SLIRP: variants seen among roughly 807,000 people sequenced by gnomAD.
The protein encoded by SLIRP is SRA stem-loop-interacting RNA-binding protein, mitochondrial.
A neutral mutation model predicts 13.4 loss-of-function variants in SLIRP; 12 were observed. The observed-to-expected ratio is 0.89, with a 90% confidence interval of 0.57 to 1.45. The LOEUF (loss-of-function observed/expected upper bound fraction) is 1.45. Ranked by LOEUF, SLIRP falls within the 40% of genes most tolerant of loss-of-function variation. SLIRP has a pLI of 0.00. For synonymous variants in SLIRP, 55 were observed against 47.1 expected (o/e 1.17, Z -0.69); for missense variants, 154 against 132.2 (o/e 1.17, Z -0.81).
In SLIRP at chr14:77,712,602, G is replaced by A. The variant is rs567082446; in HGVS notation, c.156+1706G>A. Among the ~76,000 whole-genome samples, 7 of 152,082 alleles carry A rather than the reference G, an allele frequency of 4.6e-5. No individual in the cohort carries two copies. The South Asian group carries it at 1.5e-3, about 32-fold the overall frequency. ...TGGGACTACAGGCGCCCGCCACTAC[G>A]CCCGGCTAATTTTTTGTATTTTTAG... On this transcript the variant is annotated intron_variant, in intron 2 of 3. Coordinates refer to ENST00000557342, the MANE Select transcript of SLIRP (RefSeq NM_031210.6).
intron 1 of SLIRP, 189 bp from the exon 2 acceptor site, chr14:77,710,649 T>C (rs1465980409): frequency 6.5e-7 from 1 of 1,529,548 alleles, no homozygotes; most frequent in African/African-American, 1.4e-5. Flanking sequence ...TCTCTGTCCA[T>C]CTCACCACCA....
At position 77,715,827 on chromosome 14, in the gene SLIRP, A is replaced by G. The variant is rs771572490; in HGVS notation, c.212A>G (p.Glu71Gly). 2.3e-4 allele frequency: 377 copies of G among 1,614,018 alleles called. 1 individual carries two copies. The highest frequency in any genetic ancestry group is 3.1e-4 in the Non-Finnish European group (364 of 1,180,032). The change falls in exon 3 of 4, where the codon GAA (glutamate) becomes GGA (glycine). Residue 71 changes from glutamate to glycine, a missense_variant. Coordinates refer to ENST00000557342, the MANE Select transcript of SLIRP (RefSeq NM_031210.6). ...GLGWVQFSSE[E>G]GLRNALQQEN... ...GGTTGGGTTCAGTTTTCTTCAGAAG[A>G]AGGACTTCGGAATGCACTACAACAG...
chr14:77,714,537 G>A (rs565541114), intron 2 of SLIRP, among the ~76,000 whole-genome samples: 4 of 152,304 alleles, frequency 2.6e-5, no homozygotes, highest in Admixed American at 6.5e-5. Context: ...CTGACCTCAA[G>A]CCATCCATCC....
At position 77,710,756 on chromosome 14, in the gene SLIRP, C is replaced by T. The variant is rs1422753181; in HGVS notation, c.98-82C>T. ...AAAGTAGTTCCTGTCCACAAGAAAT[C>T]TGGTGACCCTGTCTTTCTACAGTCT... On this transcript the variant is annotated intron_variant, in intron 1 of 3. Coordinates refer to ENST00000557342, the MANE Select transcript of SLIRP (RefSeq NM_031210.6). 24 of 1,589,692 alleles carry T rather than the reference C, an allele frequency of 1.5e-5. No individual in the cohort carries two copies. The Admixed American group carries it at 3.9e-4, about 26-fold the overall frequency.
chr14:77,709,459 G>A (rs2080423347), intron 1 of SLIRP, among the ~76,000 whole-genome samples: 1 of 152,194 alleles, frequency 6.6e-6, no homozygotes. Context: ...GAAACTTTAT[G>A]GAAAGGCTGA....
chr14:77,709,840 G>A (rs1312552747), intron 1 of SLIRP, among the ~76,000 whole-genome samples: 1 of 152,246 alleles, frequency 6.6e-6, no homozygotes, highest in East Asian at 1.9e-4. Flanking sequence ...AACCATTAGA[G>A]CCCTTCAAAA....
chr14:77,708,284 A>G, intron 1 of SLIRP, 76 bp downstream of exon 1: 2 of 1,456,508 alleles, frequency 1.4e-6, no homozygotes, highest in Non-Finnish European at 1.9e-6. Context: ...TTTGCAGGGT[A>G]CTTAAGTCAG....
intron 2 of SLIRP, 135 bp from the exon 3 acceptor site, chr14:77,715,637 C>T: frequency 1.4e-6 from 1 of 723,586 alleles, no homozygotes; most frequent in Non-Finnish European, 2.3e-6. Context: ...AGAGCAAGAC[C>T]CTGCCTAAAA....
chr14:77,715,654 TA>T, intron 2 of SLIRP, 117 bp from the exon 3 acceptor site: 2 of 826,712 alleles, frequency 2.4e-6, no homozygotes, highest in Non-Finnish European at 3.8e-6. Flanking sequence ...AAAAATAAAA[TA>T]AAATTAAATT....
intron 2 of SLIRP, chr14:77,712,168 A>G (rs529620749): frequency 4.6e-5 from 7 of 152,278 alleles, no homozygotes; most frequent in African/African-American, 1.4e-4. Context: ...AGGATCTCAC[A>G]TAGCTATATA....
intron 2 of SLIRP, among the ~76,000 whole-genome samples, chr14:77,711,269 A>G (rs1394694222): frequency 6.7e-6 from 1 of 149,074 alleles, no homozygotes; most frequent in Non-Finnish European, 1.5e-5. Context: ...ATATATACCC[A>G]AATAAATATA....
intron 3 of SLIRP, 89 bp downstream of exon 3, chr14:77,715,968 A>G: frequency 9.8e-7 from 1 of 1,022,492 alleles, no homozygotes; most frequent in Non-Finnish European, 1.5e-6. Flanking sequence ...TAAATGTGGA[A>G]TGATGGGGAC....
rs1012307316 is a variant in SLIRP at position 77,710,708 on chromosome 14, A to G, written c.98-130A>G. ...AGTCAGTACCATAGCTGCTTCCTAAATCTTAAGCCTTTAAGGAAATGCAAA... is the reference window on the plus strand; with the variant it reads ...AGTCAGTACCATAGCTGCTTCCTAAGTCTTAAGCCTTTAAGGAAATGCAAA... On this transcript the variant is annotated intron_variant, in intron 1 of 3. Transcript: ENST00000557342. 6 of 1,574,248 alleles carry G rather than the reference A, an allele frequency of 3.8e-6. No individual in the cohort carries two copies. The African/African-American group carries it at 6.7e-5, about 18-fold the overall frequency.
intron 3 of SLIRP, 133 bp from the exon 4 acceptor site, chr14:77,717,363 C>T (rs176959): frequency 0.64 from 473,010 of 741,238 alleles, 151,782 homozygotes; most frequent in African/African-American, 0.72. Flanking sequence ...GAGGAGAAAA[C>T]GAAAGAACAA....
At chr14:77,717,464 C>A (rs564844413) in intron 3 of SLIRP, 32 bp from the exon 4 acceptor site, 1 of 1,594,312 alleles carries the variant, frequency 6.3e-7, no homozygotes, top group Non-Finnish European at 8.6e-7. Context: ...CAGACATTGC[C>A]TTTCCTCCCT....
intron 1 of SLIRP, chr14:77,710,560 A>G (rs1297833244): frequency 2.1e-6 from 3 of 1,446,874 alleles, no homozygotes; most frequent in Non-Finnish European, 2.8e-6. Context: ...CACAGGGATC[A>G]TAGTCCACAT....
upstream of SLIRP, chr14:77,708,096 G>T: frequency 6.2e-7 from 1 of 1,613,060 alleles, no homozygotes; most frequent in Non-Finnish European, 8.5e-7. Flanking sequence ...GCTCGAGAAG[G>T]TGCTTTAGTC....
At chr14:77,715,400 T>TA (rs367871207) in intron 2 of SLIRP, among the ~76,000 whole-genome samples, 4 of 152,214 alleles carry the variant, frequency 2.6e-5, no homozygotes, top group African/African-American at 9.6e-5. Context: ...TTTCACTACT[T>TA]TGGGAGGCCC....
At chr14:77,710,676 G>A in intron 1 of SLIRP, 162 bp from the exon 2 acceptor site, 2 of 1,549,176 alleles carry the variant, frequency 1.3e-6, no homozygotes, top group Non-Finnish European at 1.7e-6. Context: ...GTACATTATG[G>A]CTTTATAGTC....
Sources: allele counts gnomAD v4.1 joint callset (sites outside exome capture counted in the v4.1 genomes callset), GRCh38; gene constraint gnomAD v4.1.1; transcripts MANE v1.5; gene names NCBI Gene and HGNC (gene_info 2026-07-23, HGNC 2026-07-21).